SEMA3A: variants seen among roughly 807,000 people sequenced by gnomAD.
The protein encoded by SEMA3A is semaphorin 3A, also known as semaphorin-3A.
A neutral mutation model predicts 97.9 loss-of-function variants in SEMA3A; 29 were observed. The ratio of observed to expected loss-of-function variants is 0.30; its 90% CI spans 0.22 to 0.40. The LOEUF (loss-of-function observed/expected upper bound fraction) is 0.40. Ranked by LOEUF, SEMA3A falls within the 10% of genes least tolerant of loss-of-function variation. The pLI is 1.00. For missense variants in SEMA3A, 763 were observed against 951.3 expected (o/e 0.80, Z 2.60); for synonymous variants, 321 against 323.7 (o/e 0.99, Z 0.09).
At chr7:84,190,972 C>T (rs1339911530) in intron 1 of SEMA3A, among the ~76,000 whole-genome samples, 1 of 150,106 alleles carries the variant, frequency 6.7e-6, no homozygotes, top group Non-Finnish European at 1.5e-5. Flanking sequence ...TACACACACA[C>T]ACACACACAC....
intron 12 of SEMA3A, among the ~76,000 whole-genome samples, chr7:83,997,751 T>G (rs938379771): frequency 1.3e-5 from 2 of 151,916 alleles, no homozygotes; most frequent in Non-Finnish European, 2.9e-5. Context: ...TTTCTTTTTT[T>G]TTTTTTTGAG....
chr7:83,965,655 TATATATATA>T (rs1159285414), intron 15 of SEMA3A, among the ~76,000 whole-genome samples: 30 of 12,956 alleles, frequency 2.3e-3, no homozygotes, highest in African/African-American at 3.1e-3. Flanking sequence ...TATATATATA[TATATATATA>T]TATTTTTTTT....
At chr7:84,481,386 A>C (rs1013785438) in intron 1 of SEMA3A, among the ~76,000 whole-genome samples, 1 of 152,196 alleles carries the variant, frequency 6.6e-6, no homozygotes, top group Non-Finnish European at 1.5e-5. Context: ...TTCCTAAAGG[A>C]AATAAACCCA....
intron 15 of SEMA3A, among the ~76,000 whole-genome samples, chr7:83,971,750 T>C (rs1788922693): frequency 6.6e-6 from 1 of 152,186 alleles, no homozygotes; most frequent in South Asian, 2.1e-4. Context: ...TGGATGTAGC[T>C]TGCCAAGTAC....
rs369969381 is a variant in SEMA3A at position 84,406,692 on chromosome 7, G to C, written c.-245-34792C>G. On this transcript the variant is annotated intron_variant, in intron 1 of 3. Transcript: ENST00000424555. ...ACTGAATCCAGCAGCACATCAAAAA[G>C]CTTATCCACCATGATCAAGTGGGCT... Among the ~76,000 whole-genome samples, 16 of 152,200 alleles carry C rather than the reference G, an allele frequency of 1.1e-4. No individual in the cohort carries two copies. In the East Asian group the frequency reaches 1.5e-3, roughly 15 times the overall value.
chr7:83,987,720 T>G (rs560532446), intron 12 of SEMA3A, among the ~76,000 whole-genome samples: 1 of 152,344 alleles, frequency 6.6e-6, no homozygotes, highest in East Asian at 1.9e-4. Context: ...CTCTTCAACT[T>G]ACCCCACTAT....
At chr7:84,161,009 CA>C (rs1380539894) in intron 1 of SEMA3A, among the ~76,000 whole-genome samples, 2 of 152,002 alleles carry the variant, frequency 1.3e-5, no homozygotes, top group African/African-American at 4.8e-5. Context: ...GCATGGTCAC[CA>C]GAATTAGGAT....
At chr7:84,161,820 G>T (rs1054007215) in intron 1 of SEMA3A, among the ~76,000 whole-genome samples, 4 of 152,104 alleles carry the variant, frequency 2.6e-5, no homozygotes, top group East Asian at 1.9e-4. Context: ...GAGATGATAT[G>T]AGTATATTCT....
At position 84,120,667 on chromosome 7, in the gene SEMA3A, CA is replaced by C. The variant is rs1649062407; in HGVS notation, c.333+8455del. On this transcript the variant is annotated intron_variant, in intron 3 of 16. Transcript: ENST00000265362. ...TGCCATCAAAATTCTTGATGAAAAT[CA>C]TATTTAAAATGGATAAACTGACCAT... Among the ~76,000 whole-genome samples, 4 of 152,140 alleles carry C rather than the reference CA, an allele frequency of 2.6e-5. 1 individual carries two copies. Among genetic ancestry groups the C allele is most frequent in the Admixed American group, 2.6e-4 (4 of 15,262 alleles).
At chr7:84,474,817 A>G (rs1054181331) in intron 1 of SEMA3A, among the ~76,000 whole-genome samples, 1 of 152,108 alleles carries the variant, frequency 6.6e-6, no homozygotes, top group African/African-American at 2.4e-5. Context: ...GAGAGAAAAT[A>G]CAAAGGACCA....
intron 2 of SEMA3A, among the ~76,000 whole-genome samples, chr7:84,345,443 C>A (rs1264551684): frequency 1.3e-5 from 2 of 152,160 alleles, no homozygotes. Flanking sequence ...CAAAAAATTT[C>A]TCTGTACCAT....
At chr7:84,473,737 T>G (rs1447529070) in intron 1 of SEMA3A, among the ~76,000 whole-genome samples, 1 of 152,044 alleles carries the variant, frequency 6.6e-6, no homozygotes, top group Admixed American at 6.6e-5. Flanking sequence ...ATCTGATAAA[T>G]CAGACTGCAC....
intron 1 of SEMA3A, among the ~76,000 whole-genome samples, chr7:84,453,637 T>C (rs1805619112): frequency 6.6e-6 from 1 of 152,086 alleles, no homozygotes; most frequent in African/African-American, 2.4e-5. Context: ...TATAATGGAG[T>C]CACCAGAGAG....
intron 1 of SEMA3A, among the ~76,000 whole-genome samples, chr7:84,410,045 G>T (rs1047443371): frequency 6.6e-6 from 1 of 151,914 alleles, no homozygotes; most frequent in African/African-American, 2.4e-5. Flanking sequence ...TAGTATAACT[G>T]ATTTTAAAGA....
At chr7:84,011,344 A>G (rs1790866215) in intron 7 of SEMA3A, 47 bp from the exon 8 acceptor site, 1 of 1,167,814 alleles carries the variant, frequency 8.6e-7, no homozygotes. Context: ...TGAAAATGAT[A>G]ATTTGAAACA....
rs1791745629 is a variant in SEMA3A at position 84,031,367 on chromosome 7, A to C, written c.667+14957T>G. On this transcript the variant is annotated intron_variant, in intron 6 of 16. Coordinates refer to ENST00000265362, the MANE Select transcript of SEMA3A (RefSeq NM_006080.3). ...TTGAAAATCTTTTTCATCTTTGTCT[A>C]TGCTCTAAAATGCTTCTTAAAGGTT... 2.0e-5 allele frequency among the ~76,000 whole-genome samples: 3 copies of C among 152,058 alleles called. No homozygotes were observed. The South Asian group carries it at 6.2e-4, about 31-fold the overall frequency.
chr7:84,163,483 ACT>A (rs1797107154), intron 1 of SEMA3A, among the ~76,000 whole-genome samples: 1 of 152,128 alleles, frequency 6.6e-6, no homozygotes, highest in South Asian at 2.1e-4. Context: ...AAAATGATAA[ACT>A]CTGATGACTC....
At chr7:84,107,743 T>C (rs957360796) in intron 4 of SEMA3A, among the ~76,000 whole-genome samples, 3 of 152,154 alleles carry the variant, frequency 2.0e-5, no homozygotes, top group African/African-American at 7.2e-5. Context: ...ACTAGACTGT[T>C]AACTCTATTA....
At chr7:84,315,984 C>A (rs1371111545) in intron 2 of SEMA3A, among the ~76,000 whole-genome samples, 1 of 148,048 alleles carries the variant, frequency 6.8e-6, no homozygotes, top group East Asian at 2.0e-4. Context: ...ATTTTATTTT[C>A]TTTTCTCTTT....
Sources: allele counts gnomAD v4.1 joint callset (sites outside exome capture counted in the v4.1 genomes callset), GRCh38; gene constraint gnomAD v4.1.1; transcripts MANE v1.5; gene names NCBI Gene and HGNC (gene_info 2026-07-23, HGNC 2026-07-21).